NHSL1: variants seen among roughly 807,000 people sequenced by gnomAD.
The protein encoded by NHSL1 is NHS-like protein 1.
A neutral mutation model predicts 95.0 loss-of-function variants in NHSL1; 48 were observed. The observed-to-expected ratio is 0.51, with a 90% CI of 0.40 to 0.64. NHSL1 has a LOEUF of 0.64. Ranked by LOEUF, NHSL1 falls within the 30% of genes least tolerant of loss-of-function variation. The pLI is 0.00. For synonymous variants in NHSL1, 783 were observed against 833.9 expected (o/e 0.94, Z 1.05); for missense variants, 1,971 against 2,077.7 (o/e 0.95, Z 1.00).
rs1477585222 is a variant in NHSL1, at chr6:138,423,410, T to C, written c.*671A>G. ...CACCAGGTTACAGCATTGCCACTTC[T>C]ACGTTTGTCATTTTTACAAAAAAGA... On this transcript the variant is annotated 3_prime_UTR_variant, in exon 8 of 8. Coordinates refer to ENST00000343505, the MANE Select transcript of NHSL1 (RefSeq NM_001144060.2). 1 of 152,230 alleles carries C rather than the reference T, an allele frequency of 6.6e-6. No individual in the cohort carries two copies. The highest frequency in any genetic ancestry group is 1.5e-5 in the Non-Finnish European group (1 of 68,042). The allele number at this position is 152,230 out of a possible 1,614,324, so 9.4% of individuals were successfully genotyped here.
chr6:138,432,206 T>A lies in NHSL1; in HGVS notation c.2139A>T (p.Pro713=). ...TLQHSLQLSL[P]GKSGSSPSQS... Reference sequence around the variant, plus strand: ...GGGAGGGCGAGCTGCCACTCTTGCCTGGGAGGCTCAGCTGCAGCGAGTGCT... The same window carrying A: ...GGGAGGGCGAGCTGCCACTCTTGCCAGGGAGGCTCAGCTGCAGCGAGTGCT... The change falls in exon 6 of 8, where the codon CCA becomes CCT. Residue 713 remains proline (P), a synonymous_variant. Transcript: ENST00000343505. The surrounding 1 kb of genome is among the most constrained non-coding windows in gnomAD (Gnocchi z 4.4). The A allele has an allele frequency of 6.5e-7, 1 of 1,546,694 alleles. No individual in the cohort carries two copies. Among genetic ancestry groups the A allele is most frequent in the Non-Finnish European group, 8.7e-7 (1 of 1,144,062 alleles).
intron 1 of NHSL1, among the ~76,000 whole-genome samples, chr6:138,599,145 T>C (rs1784339298): frequency 6.6e-6 from 1 of 152,242 alleles, no homozygotes; most frequent in Admixed American, 6.5e-5. Context: ...CCTAATTGTT[T>C]TGGATTCTAT....
chr6:138,434,096 G>A (rs1775906575), intron 5 of NHSL1, among the ~76,000 whole-genome samples: 1 of 152,200 alleles, frequency 6.6e-6, no homozygotes, highest in African/African-American at 2.4e-5. Flanking sequence ...GTAGATGAAT[G>A]TAGTAATTGA....
At chr6:138,541,181 A>G (rs570500057) in intron 1 of NHSL1, among the ~76,000 whole-genome samples, 1 of 152,308 alleles carries the variant, frequency 6.6e-6, no homozygotes, top group African/African-American at 2.4e-5. Context: ...AGCCTGGCCA[A>G]CATGGTGAAA....
At chr6:138,544,697 T>C (rs185532226) in intron 1 of NHSL1, among the ~76,000 whole-genome samples, 1 of 152,270 alleles carries the variant, frequency 6.6e-6, no homozygotes, top group African/African-American at 2.4e-5. Flanking sequence ...TGACATACAC[T>C]GAAAGATATG....
chr6:138,535,961 T>C (rs905514921), intron 1 of NHSL1, among the ~76,000 whole-genome samples: 2 of 152,158 alleles, frequency 1.3e-5, no homozygotes, highest in African/African-American at 4.8e-5. Flanking sequence ...GACACTGAGC[T>C]AGTTGCTGGG....
intron 2 of NHSL1, among the ~76,000 whole-genome samples, chr6:138,489,829 A>AGG: frequency 1.2e-5 from 1 of 85,862 alleles, no homozygotes; most frequent in Admixed American, 1.1e-4. Context: ...AGAGAGGGAG[A>AGG]GAGAGAGAGA....
rs201541372 is a variant in NHSL1 at position 138,448,417 on chromosome 6, CT to C, written c.340-1225del. Among the ~76,000 whole-genome samples, 1,065 of 152,248 alleles carry C rather than the reference CT, an allele frequency of 7.0e-3. 19 individuals carry two copies. The highest frequency in any genetic ancestry group is 0.023 in the African/African-American group (960 of 41,554). On this transcript the variant is annotated intron_variant, in intron 3 of 7. Coordinates refer to ENST00000343505, the MANE Select transcript of NHSL1 (RefSeq NM_001144060.2). Reference sequence around the variant, plus strand: ...GGAACTACCAATTATGAAAATAAAGCTTTTAGAAAGAATTTCACTGGAGAAT... The same window carrying C: ...GGAACTACCAATTATGAAAATAAAGCTTTAGAAAGAATTTCACTGGAGAAT...
rs1775595791 is a variant in NHSL1, at chr6:138,430,856, G to C, written c.3489C>G (p.Ser1163Arg). The C allele has an allele frequency of 6.4e-7, 1 of 1,551,054 alleles. No individual in the cohort carries two copies. Among genetic ancestry groups the C allele is most frequent in the Non-Finnish European group, 8.7e-7 (1 of 1,146,844 alleles). ...CCTCCCCAGCGCTTGGAGCTCCAGG[G>C]CTGCGGCTCACAGGGCCACCACGCT... ...AAERGGPVSR[S>R]PGAPSAGEAE... is the part of the protein sequence containing the mutation. The change falls in exon 6 of 8, where the codon AGC becomes AGG. Residue 1163 changes from serine to arginine, a missense_variant. By Grantham distance (110) the Ser-to-Arg change is moderately radical. This residue lies in a region of NHSL1 where 1,602 missense variants were observed against 1,654.5 expected (regional missense o/e 0.97). Transcript: ENST00000343505. This position sits in a 1 kb window ranked among gnomAD's most constrained non-coding sequence, Gnocchi z 4.7.
chr6:138,612,860 T>C (rs534283443), intron 1 of NHSL1, among the ~76,000 whole-genome samples: 4 of 152,360 alleles, frequency 2.6e-5, no homozygotes, highest in African/African-American at 7.2e-5. Context: ...CCCTTGCTGA[T>C]ACAAATCTCT....
chr6:138,571,591 C>G, intron 1 of NHSL1: 1 of 906,742 alleles, frequency 1.1e-6, no homozygotes, highest in Non-Finnish European at 1.6e-6. Flanking sequence ...AATACAAAAA[C>G]AAACATTTCA....
At chr6:138,604,744 G>A (rs766372118) in intron 1 of NHSL1, among the ~76,000 whole-genome samples, 1 of 152,084 alleles carries the variant, frequency 6.6e-6, no homozygotes, top group Non-Finnish European at 1.5e-5. Context: ...TTATGCCTCG[G>A]CCACCTGAGT....
At chr6:138,481,092 G>C (rs1000543504) in intron 2 of NHSL1, among the ~76,000 whole-genome samples, 2 of 152,070 alleles carry the variant, frequency 1.3e-5, no homozygotes, top group Non-Finnish European at 1.5e-5. Context: ...GAATACATAA[G>C]ACTATAAACA....
intron 1 of NHSL1, among the ~76,000 whole-genome samples, chr6:138,675,899 A>G (rs890536410): frequency 4.6e-5 from 7 of 152,218 alleles, no homozygotes; most frequent in Non-Finnish European, 1.0e-4. Flanking sequence ...GAGGTTGAAC[A>G]GGCTTTTGGG....
At chr6:138,438,071 T>G (rs963325745) in intron 5 of NHSL1, among the ~76,000 whole-genome samples, 3 of 152,240 alleles carry the variant, frequency 2.0e-5, no homozygotes, top group Non-Finnish European at 2.9e-5. Context: ...TTGACTCAAA[T>G]TTTTAAAGTA....
chr6:138,679,115 G>T (rs1341235886), intron 1 of NHSL1, among the ~76,000 whole-genome samples: 3 of 152,170 alleles, frequency 2.0e-5, no homozygotes, highest in African/African-American at 7.2e-5. Context: ...AACCAAATTT[G>T]CAGGAAGAGA....
At chr6:138,627,645 A>C (rs1297032190) in intron 1 of NHSL1, among the ~76,000 whole-genome samples, 1 of 152,196 alleles carries the variant, frequency 6.6e-6, no homozygotes, top group Non-Finnish European at 1.5e-5. Flanking sequence ...GCACTTTGGG[A>C]GGCTGAGGCA....
Position 138,479,653 on chromosome 6 carries a change from T to G in NHSL1, c.212-6220A>C, listed in dbSNP as rs1196374950. On this transcript the variant is annotated intron_variant, in intron 2 of 7. Coordinates refer to ENST00000343505, the MANE Select transcript of NHSL1 (RefSeq NM_001144060.2). Reference sequence around the variant, plus strand: ...CCATTTAAAATTTTCAGACCATGGTTGACTGCAGGTAGCTGAAACTATGGA... The same window carrying G: ...CCATTTAAAATTTTCAGACCATGGTGGACTGCAGGTAGCTGAAACTATGGA... 2.0e-5 allele frequency among the ~76,000 whole-genome samples: 3 copies of G among 152,236 alleles called. No individual in the cohort carries two copies. In the South Asian group the frequency reaches 6.2e-4, roughly 32 times the overall value.
At chr6:138,572,261 C>T (rs966771584) in exon 1 of NHSL1, 8 of 183,934 alleles carry the variant, frequency 4.3e-5, no homozygotes, top group Admixed American at 4.1e-4. Context: ...TTGCAAAACA[C>T]AAAGCCAAGG....
Sources: allele counts gnomAD v4.1 joint callset (sites outside exome capture counted in the v4.1 genomes callset), GRCh38; gene constraint gnomAD v4.1.1; regional missense constraint gnomAD v4.1.1; non-coding constraint Gnocchi (gnomAD v3.1); transcripts MANE v1.5; gene names NCBI Gene and HGNC (gene_info 2026-07-23, HGNC 2026-07-21).